Variants in FHOD3 observed in about 807,000 individuals in gnomAD.
FHOD3 encodes formin homology 2 domain containing 3.
FHOD3 carries 90 observed loss-of-function variants against 173.0 expected under a neutral mutation model. The observed-to-expected ratio is 0.52, with a 90% confidence interval of 0.44 to 0.62. The LOEUF is 0.62. FHOD3 is among the 20% of genes least tolerant of loss of function. The probability of loss-of-function intolerance (pLI) is 0.00; values close to 1 mark genes in which losing one functional copy is unlikely to be tolerated. For synonymous variants in FHOD3, 828 were observed against 823.0 expected (o/e 1.01, Z -0.10); for missense variants, 1,945 against 2,034.7 (o/e 0.96, Z 0.85).
At chr18:36,428,245 T>C (rs1326517488) in intron 3 of FHOD3, among the ~76,000 whole-genome samples, 1 of 152,196 alleles carries the variant, frequency 6.6e-6, no homozygotes, top group African/African-American at 2.4e-5. Context: ...TGATAAATTC[T>C]TAGAGGGCAG....
intron 4 of FHOD3, among the ~76,000 whole-genome samples, chr18:36,502,967 C>G (rs1295265336): frequency 1.3e-5 from 2 of 152,128 alleles, no homozygotes; most frequent in Non-Finnish European, 2.9e-5. Flanking sequence ...GAATAAAACA[C>G]AAGTTGTTTT....
chr18:36,631,401 C>T (rs8083846), intron 10 of FHOD3, among the ~76,000 whole-genome samples: 18,567 of 152,140 alleles, frequency 0.12, 1,213 homozygotes, highest in Non-Finnish European at 0.14. Context: ...GAATAAATAG[C>T]AACTCTTTAT....
intron 7 of FHOD3, among the ~76,000 whole-genome samples, chr18:36,601,009 G>A (rs1424397735): frequency 6.6e-6 from 1 of 152,206 alleles, no homozygotes; most frequent in Non-Finnish European, 1.5e-5. Context: ...TCTTAAACTG[G>A]ACAGTGAGAC....
intron 5 of FHOD3, among the ~76,000 whole-genome samples, chr18:36,540,942 A>C (rs1256395237): frequency 6.6e-6 from 1 of 152,184 alleles, no homozygotes; most frequent in East Asian, 1.9e-4. Flanking sequence ...GCATAGCCTC[A>C]AAAGGAGATT....
chr18:36,468,276 G>C lies in FHOD3; in HGVS notation c.338-33656G>C, dbSNP rs549077450. ...GGGATAAGTGGCTACCTCTCCCCTC[G>C]CCTGGGTAATGCTGCCTGGAGGACA... On this transcript the variant is annotated intron_variant, in intron 3 of 28. Coordinates refer to ENST00000590592, the MANE Select transcript of FHOD3 (RefSeq NM_001281740.3). Among the ~76,000 whole-genome samples, 39 of 152,266 alleles carry C rather than the reference G, an allele frequency of 2.6e-4. No individual in the cohort carries two copies. The South Asian group carries it at 6.8e-3, about 27-fold the overall frequency.
chr18:36,763,079 CGTT>C (rs1488404137), intron 27 of FHOD3, among the ~76,000 whole-genome samples: 4 of 146,376 alleles, frequency 2.7e-5, no homozygotes, highest in East Asian at 2.0e-4. Flanking sequence ...GTATTATACA[CGTT>C]ATATATAATA....
intron 1 of FHOD3, among the ~76,000 whole-genome samples, chr18:36,338,494 G>T (rs929921460): frequency 6.6e-6 from 1 of 152,350 alleles, no homozygotes; most frequent in Middle Eastern, 3.4e-3. Context: ...GTGTGGCAGT[G>T]TTCTGCCAGT....
At chr18:36,380,982 T>G (rs574201737) in intron 3 of FHOD3, among the ~76,000 whole-genome samples, 3 of 152,128 alleles carry the variant, frequency 2.0e-5, no homozygotes, top group Non-Finnish European at 4.4e-5. Context: ...TGGGATGCCA[T>G]GGGACTAGGG....
intron 5 of FHOD3, among the ~76,000 whole-genome samples, chr18:36,567,418 C>T (rs2058303465): frequency 1.3e-5 from 2 of 152,184 alleles, no homozygotes. Flanking sequence ...TTCCACATCG[C>T]TGTTAGATTT....
intron 1 of FHOD3, among the ~76,000 whole-genome samples, chr18:36,318,132 T>A (rs2044219253): frequency 7.7e-6 from 1 of 129,404 alleles, no homozygotes; most frequent in Non-Finnish European, 1.5e-5. Flanking sequence ...TATAGCCTTG[T>A]AGTATAGTTT....
intron 3 of FHOD3, among the ~76,000 whole-genome samples, chr18:36,462,800 T>C (rs1265655614): frequency 6.6e-6 from 1 of 152,208 alleles, no homozygotes; most frequent in African/African-American, 2.4e-5. Flanking sequence ...AATTTTTAAA[T>C]ATATTTCATA....
rs545165607 is a variant in FHOD3, at chr18:36,480,175, G to A, written c.338-21757G>A. On this transcript the variant is annotated intron_variant, in intron 3 of 28. Coordinates refer to ENST00000590592, the MANE Select transcript of FHOD3 (RefSeq NM_001281740.3). ...ATCCCTTAGCCTCAGCCAGTTCTGA[G>A]GTCCGGTGTCCACATACCTTTTCCT... is the stretch of plus-strand genomic sequence containing the variant. 2.0e-5 allele frequency among the ~76,000 whole-genome samples: 3 copies of A among 152,266 alleles called. No homozygotes were observed. The East Asian group carries it at 5.8e-4, about 29-fold the overall frequency.
chr18:36,687,165 G>A lies in FHOD3; in HGVS notation c.2008G>A (p.Ala670Thr), dbSNP rs747810687. 3 of 1,611,032 alleles carry A rather than the reference G, an allele frequency of 1.9e-6. No homozygotes were observed. The highest frequency in any genetic ancestry group is 1.7e-6 in the Non-Finnish European group (2 of 1,177,876). Residue 670 changes from alanine to threonine, a missense_variant, in exon 16 of 29, where the codon GCA becomes ACA. Ala to Thr is a moderately conservative substitution (Grantham distance 58). Coordinates refer to ENST00000590592, the MANE Select transcript of FHOD3 (RefSeq NM_001281740.3). ...YLDKREEQRQAREERYKYLEQ... is the reference protein window; with the variant it reads ...YLDKREEQRQTREERYKYLEQ... ...AGACAAAAGAGAGGAGCAAAGGCAAGCAAGAGAAGAAAGGTTTGTATATTT... is the reference window on the plus strand; with the variant it reads ...AGACAAAAGAGAGGAGCAAAGGCAAACAAGAGAAGAAAGGTTTGTATATTT...
At chr18:36,539,726 A>T (rs995240981) in intron 5 of FHOD3, among the ~76,000 whole-genome samples, 2 of 152,154 alleles carry the variant, frequency 1.3e-5, no homozygotes, top group African/African-American at 4.8e-5. Flanking sequence ...AACCAAAGCA[A>T]TGTTTTCTGA....
intron 4 of FHOD3, among the ~76,000 whole-genome samples, chr18:36,511,943 A>G (rs941600629): frequency 3.3e-5 from 5 of 152,204 alleles, no homozygotes; most frequent in Non-Finnish European, 7.4e-5. Context: ...GGTTGGATAA[A>G]CTGCTTCCTG....
intron 2 of FHOD3, among the ~76,000 whole-genome samples, chr18:36,365,744 G>A (rs1293181168): frequency 6.6e-6 from 1 of 152,194 alleles, no homozygotes; most frequent in Non-Finnish European, 1.5e-5. Context: ...CACTGAGCTG[G>A]TGACGGCCGG....
chr18:36,446,523 T>C, intron 3 of FHOD3, among the ~76,000 whole-genome samples: 1 of 151,844 alleles, frequency 6.6e-6, no homozygotes, highest in South Asian at 2.1e-4. Flanking sequence ...TTAATCCACA[T>C]GTCCCAGATT....
chr18:36,768,599 G>A (rs370794201), intron 27 of FHOD3, among the ~76,000 whole-genome samples: 18 of 152,106 alleles, frequency 1.2e-4, no homozygotes, highest in African/African-American at 4.3e-4. Flanking sequence ...TTAATATGTA[G>A]TTATTTATAA....
chr18:36,495,862 C>T (rs912439977), intron 3 of FHOD3, among the ~76,000 whole-genome samples: 3 of 152,172 alleles, frequency 2.0e-5, no homozygotes, highest in Non-Finnish European at 4.4e-5. Context: ...CATCCTACCT[C>T]GAGGAATCCT....
Sources: gnomAD v4.1 joint callset for allele counts (sites outside exome capture counted in the v4.1 genomes callset) on GRCh38, gnomAD v4.1.1 for gene constraint, MANE v1.5 for transcripts, NCBI Gene and HGNC (gene_info 2026-07-23, HGNC 2026-07-21) for gene names.